The following CRYL1 variants were observed in gnomAD, a reference collection of about 807,000 sequenced individuals.
The protein encoded by CRYL1 is lambda-crystallin homolog.
A neutral mutation model predicts 36.6 loss-of-function variants in CRYL1; 29 were observed. That is an observed-to-expected ratio of 0.79 (90% CI 0.59 to 1.08). The LOEUF is 1.08. Ranked by LOEUF, CRYL1 falls within the 50% of genes least tolerant of loss-of-function variation. The pLI, the probability that CRYL1 is intolerant of heterozygous loss-of-function variation, is 0.00. For missense variants in CRYL1, 411 were observed against 407.9 expected, an observed-to-expected ratio of 1.01 and a Z score of -0.06; for synonymous variants, 152 against 151.5, an observed-to-expected ratio of 1.00 and a Z score of -0.02.
chr13:20,474,879 T>G (rs1240017766), intron 3 of CRYL1, among the ~76,000 whole-genome samples: 2 of 152,094 alleles, frequency 1.3e-5, no homozygotes, highest in Admixed American at 1.3e-4. Flanking sequence ...CTTGACCTCC[T>G]CAACTCTGGA....
rs1254551933 is a variant in CRYL1 at position 20,405,323 on chromosome 13, G to T, written c.740-582C>A. Among the ~76,000 whole-genome samples, 3 of 151,522 alleles carry T rather than the reference G, an allele frequency of 2.0e-5. 1 individual carries two copies. The highest frequency in any genetic ancestry group is 7.3e-5 in the African/African-American group (3 of 41,236). ...TCAGACCTTGCATGCCACCTCTGCT[G>T]GTGCATCTCATGGGACCCTCCGGTT... On this transcript the variant is annotated intron_variant, in intron 6 of 7. Coordinates refer to ENST00000298248, the MANE Select transcript of CRYL1 (RefSeq NM_015974.3).
intron 4 of CRYL1, among the ~76,000 whole-genome samples, chr13:20,438,093 C>T (rs2032273084): frequency 6.6e-6 from 1 of 152,178 alleles, no homozygotes; most frequent in Non-Finnish European, 1.5e-5. Flanking sequence ...TGGTTCTCTT[C>T]TATTTTTATG....
chr13:20,516,823 G>A (rs1201384103), intron 1 of CRYL1, among the ~76,000 whole-genome samples: 3 of 152,090 alleles, frequency 2.0e-5, no homozygotes, highest in African/African-American at 7.2e-5. Context: ...TGTAATTCCA[G>A]GACTTTGGGA....
chr13:20,406,284 T>C (rs954766122), intron 6 of CRYL1, among the ~76,000 whole-genome samples: 1 of 152,124 alleles, frequency 6.6e-6, no homozygotes, highest in African/African-American at 2.4e-5. Flanking sequence ...ACAAACATCA[T>C]CTTTGGGGTT....
intron 6 of CRYL1, among the ~76,000 whole-genome samples, chr13:20,406,460 T>C (rs532061439): frequency 6.6e-6 from 1 of 152,284 alleles, no homozygotes; most frequent in African/African-American, 2.4e-5. Context: ...CATCTGAAAT[T>C]AACGGATGGG....
chr13:20,503,926 C>T (rs1236243326), intron 2 of CRYL1, among the ~76,000 whole-genome samples: 1 of 152,214 alleles, frequency 6.6e-6, no homozygotes, highest in Non-Finnish European at 1.5e-5. Context: ...TCAGAGATCA[C>T]TGCTGGTGGT....
chr13:20,485,002 T>A (rs1462382517), intron 3 of CRYL1, among the ~76,000 whole-genome samples: 1 of 152,178 alleles, frequency 6.6e-6, no homozygotes, highest in Non-Finnish European at 1.5e-5. Flanking sequence ...GACACTAATA[T>A]GCACTAGGTT....
intron 2 of CRYL1, among the ~76,000 whole-genome samples, chr13:20,496,844 C>CA (rs33925139): frequency 0.038 from 4,609 of 120,438 alleles, 388 homozygotes; most frequent in African/African-American, 0.13. Context: ...GACCCCGTCT[C>CA]AAAAAAAAAA....
intron 6 of CRYL1, among the ~76,000 whole-genome samples, chr13:20,406,403 G>A (rs757578261): frequency 3.9e-5 from 6 of 152,148 alleles, no homozygotes; most frequent in Non-Finnish European, 8.8e-5. Flanking sequence ...CCCCAAAATG[G>A]TTTTGAAGGG....
chr13:20,519,550 C>T (rs1175725419), intron 1 of CRYL1, among the ~76,000 whole-genome samples: 2 of 141,808 alleles, frequency 1.4e-5, no homozygotes, highest in Non-Finnish European at 3.1e-5. Context: ...ATGGCTTGCA[C>T]CCAGGAGTTC....
chr13:20,478,587 C>T (rs951426335), intron 3 of CRYL1, among the ~76,000 whole-genome samples: 2 of 152,022 alleles, frequency 1.3e-5, no homozygotes, highest in African/African-American at 2.4e-5. Context: ...GTGATCCTCC[C>T]ACCTCAGCCT....
intron 1 of CRYL1, among the ~76,000 whole-genome samples, chr13:20,517,038 G>T (rs1025101572): frequency 6.6e-6 from 1 of 151,866 alleles, no homozygotes; most frequent in Non-Finnish European, 1.5e-5. Context: ...CTACAATCAC[G>T]CCACTGTACT....
chr13:20,505,249 C>T (rs2033771546), intron 2 of CRYL1, among the ~76,000 whole-genome samples: 1 of 150,690 alleles, frequency 6.6e-6, no homozygotes, highest in East Asian at 2.0e-4. Flanking sequence ...CCCAGCTACT[C>T]GGGAGGCTGA....
chr13:20,443,471 G>A (rs1308022742), intron 3 of CRYL1, among the ~76,000 whole-genome samples: 3 of 152,172 alleles, frequency 2.0e-5, no homozygotes, highest in Middle Eastern at 3.4e-3. Flanking sequence ...TCAGCTCACT[G>A]CAACTTCCAT....
At position 20,440,555 on chromosome 13, in the gene CRYL1, G is replaced by C. The variant is rs546620710; in HGVS notation, c.277-801C>G. 2.0e-4 allele frequency among the ~76,000 whole-genome samples: 31 copies of C among 152,294 alleles called. No individual in the cohort carries two copies. In the South Asian group the frequency reaches 6.4e-3, roughly 32 times the overall value. ...AAAGTCTGCCAACGATATGGGGGTG[G>C]ATTCTACAAACAAAACACACAACAG... On this transcript the variant is annotated intron_variant, in intron 3 of 7. Transcript: ENST00000298248.
At chr13:20,441,232 G>C (rs554798875) in intron 3 of CRYL1, among the ~76,000 whole-genome samples, 1 of 152,108 alleles carries the variant, frequency 6.6e-6, no homozygotes, top group African/African-American at 2.4e-5. Flanking sequence ...TAGAATCAAC[G>C]GCGTGTCTTG....
At chr13:20,474,814 G>A (rs1256504998) in intron 3 of CRYL1, among the ~76,000 whole-genome samples, 1 of 152,032 alleles carries the variant, frequency 6.6e-6, no homozygotes, top group African/African-American at 2.4e-5. Flanking sequence ...GCCTGGACTT[G>A]CCCCAGCCTC....
At chr13:20,468,368 C>T (rs1295772045) in intron 3 of CRYL1, among the ~76,000 whole-genome samples, 2 of 152,162 alleles carry the variant, frequency 1.3e-5, no homozygotes, top group African/African-American at 4.8e-5. Flanking sequence ...CTCAAGTGAC[C>T]CTCCCAACTC....
chr13:20,451,073 G>T lies in CRYL1; in HGVS notation c.277-11319C>A, dbSNP rs9509217. The stretch of plus-strand genomic sequence containing the variant: ...CCGGGCCTGTCGAGGGGTGGGGGGA[G>T]GGGGGAGGGATAGCATTAGGAGATA... On this transcript the variant is annotated intron_variant, in intron 3 of 7. Coordinates refer to ENST00000298248, the MANE Select transcript of CRYL1 (RefSeq NM_015974.3). 1.5e-4 allele frequency among the ~76,000 whole-genome samples: 20 copies of T among 135,804 alleles called. 1 individual carries two copies. In the South Asian group the frequency reaches 2.9e-3, roughly 20 times the overall value. 89.1% of individuals were successfully genotyped at this position (135,804 alleles called of 152,430 possible).
Sources: allele counts gnomAD v4.1 joint callset (sites outside exome capture counted in the v4.1 genomes callset), GRCh38; gene constraint gnomAD v4.1.1; transcripts MANE v1.5; gene names NCBI Gene and HGNC (gene_info 2026-07-23, HGNC 2026-07-21).